Variants in SCML2 observed in about 807,000 individuals in gnomAD.
SCML2 encodes the protein sex comb on midleg-like protein 2.
Under a neutral mutation model 48.4 loss-of-function variants are expected in SCML2, and 6 were observed. That is an observed-to-expected ratio of 0.12 (90% CI 0.07 to 0.24). SCML2 has a LOEUF of 0.24. SCML2 is among the 10% of genes least tolerant of loss of function. The probability of loss-of-function intolerance (pLI) is 1.00; values close to 1 mark genes in which losing one functional copy is unlikely to be tolerated. For synonymous variants in SCML2, 181 were observed against 189.5 expected, an observed-to-expected ratio of 0.95 and a Z score of 0.37; for missense variants, 377 against 528.2, an observed-to-expected ratio of 0.71 and a Z score of 2.81.
intron 1 of SCML2, among the ~76,000 whole-genome samples, chrX:18,349,670 G>A (rs112280361): frequency 3.6e-5 from 4 of 111,521 alleles, no homozygotes; most frequent in East Asian, 2.8e-4. Context: ...GGTTGCGCAC[G>A]CCTGTAATCC....
intron 7 of SCML2, among the ~76,000 whole-genome samples, chrX:18,291,257 AAG>A (rs1928223683): frequency 9.0e-6 from 1 of 111,439 alleles, no homozygotes; most frequent in Admixed American, 9.6e-5. Context: ...ACCAGAAGCT[AAG>A]GGCTTTGAAA....
At chrX:18,311,691 A>G (rs1318461226) in intron 6 of SCML2, among the ~76,000 whole-genome samples, 1 of 112,324 alleles carries the variant, frequency 8.9e-6, no homozygotes, top group African/African-American at 3.2e-5. Flanking sequence ...TTTATAGATC[A>G]CTGTAAGGAT....
chrX:18,353,588 A>G (rs1367559850), intron 1 of SCML2, among the ~76,000 whole-genome samples: 3 of 112,931 alleles, frequency 2.7e-5, no homozygotes, highest in Non-Finnish European at 5.6e-5. Context: ...CTAATTTACA[A>G]ACAAGAAGCA....
chrX:18,351,516 T>G (rs1930374170), intron 1 of SCML2, among the ~76,000 whole-genome samples: 1 of 108,161 alleles, frequency 9.2e-6, no homozygotes, highest in Non-Finnish European at 1.9e-5. Context: ...GAGCCCACTT[T>G]GTTCTTGTAT....
Position 18,262,513 on chromosome X carries a change from G to C in SCML2, c.949-2222C>G, listed in dbSNP as rs982820242. 1.1e-4 allele frequency among the ~76,000 whole-genome samples: 12 copies of C among 106,340 alleles called. 2 individuals carry two copies. Among genetic ancestry groups the C allele is most frequent in the African/African-American group, 4.4e-4 (12 of 27,479 alleles). 92.3% of individuals were successfully genotyped at this position (106,340 alleles called of 115,157 possible). On this transcript the variant is annotated intron_variant, in intron 8 of 14. Transcript: ENST00000251900. ...CTGTGAGCATGCCTGACTAATTTTTGTATTTTTAGTAGAAATGGGGTTTCG... is the reference window on the plus strand; with the variant it reads ...CTGTGAGCATGCCTGACTAATTTTTCTATTTTTAGTAGAAATGGGGTTTCG...
chrX:18,258,162 C>A lies in SCML2; in HGVS notation c.1155G>T (p.Pro385=), dbSNP rs772208149. ...RIQQLPDHFG[P]GPVNVVLRRI... Reference sequence around the variant, plus strand: ...GGCGAAGCACCACATTCACCGGGCCCGGGCCGAAGTGGTCAGGCAGCTGCT... The same window carrying A: ...GGCGAAGCACCACATTCACCGGGCCAGGGCCGAAGTGGTCAGGCAGCTGCT... The change falls in exon 10 of 15, where the codon CCG becomes CCT. Residue 385 remains proline, a synonymous_variant. Transcript: ENST00000251900. 11 of 1,211,416 alleles carry A rather than the reference C, an allele frequency of 9.1e-6. No homozygotes were observed. The highest frequency in any genetic ancestry group is 1.1e-5 in the Non-Finnish European group (10 of 895,081).
chrX:18,349,437 G>A (rs1289629015), intron 1 of SCML2, among the ~76,000 whole-genome samples: 1 of 112,348 alleles, frequency 8.9e-6, no homozygotes, highest in Admixed American at 9.5e-5. Flanking sequence ...CATATTCACT[G>A]CTACAGGATC....
chrX:18,284,399 T>C lies in SCML2; in HGVS notation c.731-18597A>G, dbSNP rs190100039. Among the ~76,000 whole-genome samples the C allele has an allele frequency of 1.2e-3, 134 of 111,641 alleles. 1 individual carries two copies. The highest frequency in any genetic ancestry group is 5.1e-4 in the Non-Finnish European group (27 of 53,116). Reference sequence around the variant, plus strand: ...GTCCTCAAGAGCCAGTGCAACGAAATTGACAAGTGGGAGCTAATTAAACAA... The same window carrying C: ...GTCCTCAAGAGCCAGTGCAACGAAACTGACAAGTGGGAGCTAATTAAACAA... On this transcript the variant is annotated intron_variant, in intron 7 of 14. Transcript: ENST00000251900.
At chrX:18,332,850 A>AC (rs1929699462) in intron 2 of SCML2, among the ~76,000 whole-genome samples, 1 of 110,592 alleles carries the variant, frequency 9.0e-6, no homozygotes, top group Non-Finnish European at 1.9e-5. Flanking sequence ...GTGGTGGCAC[A>AC]CATCTGCAGC....
intron 3 of SCML2, among the ~76,000 whole-genome samples, chrX:18,330,353 C>T (rs1285765996): frequency 8.9e-6 from 1 of 112,027 alleles, no homozygotes; most frequent in Non-Finnish European, 1.9e-5. Flanking sequence ...AAAATTTGCA[C>T]TGAAATATAC....
At chrX:18,245,097 C>T (rs1032731436) in intron 13 of SCML2, among the ~76,000 whole-genome samples, 3 of 111,612 alleles carry the variant, frequency 2.7e-5, no homozygotes, top group African/African-American at 9.8e-5. Flanking sequence ...TTACCAGCAC[C>T]TACATTTCAA....
At chrX:18,317,603 C>A (rs1715283316) in intron 6 of SCML2, among the ~76,000 whole-genome samples, 1 of 110,946 alleles carries the variant, frequency 9.0e-6, no homozygotes, top group Non-Finnish European at 1.9e-5. Context: ...GAGGCCGAGG[C>A]GGGCGGATCA....
chrX:18,316,798 C>G (rs777717401), intron 6 of SCML2, among the ~76,000 whole-genome samples: 5 of 112,343 alleles, frequency 4.5e-5, no homozygotes, highest in Non-Finnish European at 9.4e-5. Flanking sequence ...AGCTCTGTCT[C>G]CTATCAAGAG....
At chrX:18,331,008 C>T (rs1262229576) in intron 2 of SCML2, among the ~76,000 whole-genome samples, 1 of 110,475 alleles carries the variant, frequency 9.1e-6, no homozygotes. Flanking sequence ...GCCTGTAATT[C>T]CAGCACTTGA....
chrX:18,323,042 T>C (rs1487323816), intron 5 of SCML2, among the ~76,000 whole-genome samples: 1 of 111,701 alleles, frequency 9.0e-6, no homozygotes, highest in Admixed American at 9.5e-5. Context: ...AATTTTTCAC[T>C]AATAGGAAAA....
chrX:18,300,159 G>A (rs972057807), intron 7 of SCML2, among the ~76,000 whole-genome samples: 3 of 110,942 alleles, frequency 2.7e-5, no homozygotes, highest in African/African-American at 9.8e-5. Context: ...CAGCACTTTG[G>A]GAGACCGAGG....
chrX:18,301,688 A>G (rs1000211313), intron 7 of SCML2, among the ~76,000 whole-genome samples: 2 of 111,106 alleles, frequency 1.8e-5, no homozygotes, highest in African/African-American at 6.5e-5. Flanking sequence ...CAAGAGGATC[A>G]ATTGCTTGCA....
intron 7 of SCML2, among the ~76,000 whole-genome samples, chrX:18,281,770 A>G (rs1927865809): frequency 9.1e-6 from 1 of 109,937 alleles, no homozygotes; most frequent in South Asian, 3.8e-4. Flanking sequence ...GAAAAAAAAA[A>G]ACCAACCCCC....
chrX:18,332,935 C>T (rs1243746770), intron 2 of SCML2, among the ~76,000 whole-genome samples: 14 of 109,864 alleles, frequency 1.3e-4, no homozygotes, highest in East Asian at 2.9e-4. Flanking sequence ...GCTATGATTA[C>T]GCCACTGCAC....
Sources: allele counts gnomAD v4.1 joint callset (sites outside exome capture counted in the v4.1 genomes callset), GRCh38; gene constraint gnomAD v4.1.1; transcripts MANE v1.5; gene names NCBI Gene and HGNC (gene_info 2026-07-23, HGNC 2026-07-21).